The following CPA6 variants were observed in gnomAD, a reference collection of about 807,000 sequenced individuals.
CPA6 encodes carboxypeptidase A6, also known as carboxypeptidase B.
CPA6 carries 58 observed loss-of-function variants against 63.3 expected under a neutral mutation model. That is an observed-to-expected ratio of 0.92 (90% CI 0.74 to 1.14). The LOEUF (loss-of-function observed/expected upper bound fraction) is 1.14. Ranked by LOEUF, CPA6 falls within the 50% of genes most tolerant of loss-of-function variation. CPA6 has a pLI of 0.00. For missense variants in CPA6, 565 were observed against 526.6 expected (o/e 1.07, Z -0.71); for synonymous variants, 185 against 179.0 (o/e 1.03, Z -0.27).
intron 10 of CPA6, among the ~76,000 whole-genome samples, chr8:67,427,168 T>A (rs149341325): frequency 6.6e-6 from 1 of 152,328 alleles, no homozygotes; most frequent in Non-Finnish European, 1.5e-5. Context: ...TAGCCCTTTA[T>A]CACCACAGAC....
chr8:67,597,988 A>C (rs1814390318), intron 2 of CPA6, among the ~76,000 whole-genome samples: 2 of 152,318 alleles, frequency 1.3e-5, no homozygotes, highest in Non-Finnish European at 2.9e-5. Context: ...ATCTGAAATC[A>C]CCTTAAACTA....
intron 1 of CPA6, among the ~76,000 whole-genome samples, chr8:67,653,795 G>T (rs186693203): frequency 0.011 from 1,642 of 152,240 alleles, 13 homozygotes; most frequent in South Asian, 0.041. Context: ...TAGGAGTGGT[G>T]AGAGAGGGCA....
chr8:67,471,765 G>A (rs984908513), intron 8 of CPA6, among the ~76,000 whole-genome samples: 2 of 152,136 alleles, frequency 1.3e-5, no homozygotes, highest in Non-Finnish European at 2.9e-5. Context: ...TTTAATAACA[G>A]AAAAGTTACT....
chr8:67,702,855 G>A (rs1817054830), intron 1 of CPA6, among the ~76,000 whole-genome samples: 1 of 152,122 alleles, frequency 6.6e-6, no homozygotes, highest in Non-Finnish European at 1.5e-5. Flanking sequence ...CCCAAGTCAA[G>A]GGCTGAACAG....
At chr8:67,427,567 TA>T (rs941308948) in intron 10 of CPA6, among the ~76,000 whole-genome samples, 5 of 152,096 alleles carry the variant, frequency 3.3e-5, no homozygotes, top group African/African-American at 9.6e-5. Context: ...TTTCTCCATG[TA>T]AAAAAAAGAA....
intron 6 of CPA6, among the ~76,000 whole-genome samples, chr8:67,496,521 A>ATATATATATATGTATATATATATATATG (rs1265423745): frequency 4.9e-4 from 7 of 14,390 alleles, no homozygotes; most frequent in African/African-American, 9.2e-4. Context: ...TATATAGTTT[A>ATATATATATATGTATATATATATATATG]TATATATATA....
At chr8:67,682,833 C>T (rs1296365713) in intron 1 of CPA6, among the ~76,000 whole-genome samples, 2 of 152,186 alleles carry the variant, frequency 1.3e-5, no homozygotes, top group Admixed American at 1.3e-4. Context: ...AGAACATAAA[C>T]TACTCCTTCC....
intron 1 of CPA6, among the ~76,000 whole-genome samples, chr8:67,665,169 G>A (rs1816199835): frequency 6.6e-6 from 1 of 152,112 alleles, no homozygotes; most frequent in East Asian, 1.9e-4. Context: ...TTTCTTCACG[G>A]GAAAAACAAA....
At chr8:67,640,334 C>T (rs967012109) in intron 1 of CPA6, among the ~76,000 whole-genome samples, 1 of 151,438 alleles carries the variant, frequency 6.6e-6, no homozygotes, top group Non-Finnish European at 1.5e-5. Flanking sequence ...TTCAGTACCC[C>T]TTTGGCCTCC....
At chr8:67,555,553 G>T (rs1587555508) in intron 2 of CPA6, among the ~76,000 whole-genome samples, 1 of 152,148 alleles carries the variant, frequency 6.6e-6, no homozygotes, top group African/African-American at 2.4e-5. Context: ...GGTAATTGTA[G>T]GTAAAGCACT....
rs182105053 is a variant in CPA6 at position 67,565,382 on chromosome 8, G to C, written c.193-47335C>G. ...GCATGCGATTAAAAAACCCCATACAGATCTGGCAGAGCATGGTTATTTCTG... is the reference window on the plus strand; with the variant it reads ...GCATGCGATTAAAAAACCCCATACACATCTGGCAGAGCATGGTTATTTCTG... On this transcript the variant is annotated intron_variant, in intron 2 of 10. Coordinates refer to ENST00000297770, the MANE Select transcript of CPA6 (RefSeq NM_020361.5). Among the ~76,000 whole-genome samples, 105 of 152,274 alleles carry C rather than the reference G, an allele frequency of 6.9e-4. 1 individual carries two copies. Among genetic ancestry groups the C allele is most frequent in the African/African-American group, 2.5e-3 (103 of 41,552 alleles).
At chr8:67,432,932 T>C (rs1038597425) in intron 9 of CPA6, among the ~76,000 whole-genome samples, 1 of 152,160 alleles carries the variant, frequency 6.6e-6, no homozygotes, top group Non-Finnish European at 1.5e-5. Flanking sequence ...TTGCTACTGG[T>C]GTCTGAAGTG....
At chr8:67,625,157 G>A (rs1331919852) in intron 1 of CPA6, among the ~76,000 whole-genome samples, 1 of 152,066 alleles carries the variant, frequency 6.6e-6, no homozygotes, top group Non-Finnish European at 1.5e-5. Context: ...GATCTGGTGA[G>A]TTTCTTTCAG....
At chr8:67,612,590 T>G (rs1814839378) in intron 2 of CPA6, among the ~76,000 whole-genome samples, 1 of 152,236 alleles carries the variant, frequency 6.6e-6, no homozygotes, top group Non-Finnish European at 1.5e-5. Context: ...GATGATCAGA[T>G]AGCCTCAAAG....
chr8:67,563,120 G>GA lies in CPA6; in HGVS notation c.193-45074dup, dbSNP rs10710818. ...ACTGAGTCAAAAATTAGAATGAAGA[G>GA]AAAAAAAAAAACACAACCAGGGCCA... is the stretch of plus-strand genomic sequence containing the variant. On this transcript the variant is annotated intron_variant, in intron 2 of 10. Transcript: ENST00000297770. 4.8e-3 allele frequency among the ~76,000 whole-genome samples: 706 copies of GA among 146,538 alleles called. 6 individuals carry two copies. The highest frequency in any genetic ancestry group is 0.016 in the African/African-American group (632 of 39,152).
intron 2 of CPA6, among the ~76,000 whole-genome samples, chr8:67,519,787 G>T (rs1437141747): frequency 6.6e-6 from 1 of 152,180 alleles, no homozygotes; most frequent in East Asian, 1.9e-4. Context: ...TCCCCAATAG[G>T]TGTGTCTAAA....
chr8:67,596,531 CTTTT>C (rs547099824), intron 2 of CPA6, among the ~76,000 whole-genome samples: 1 of 142,016 alleles, frequency 7.0e-6, no homozygotes, highest in Non-Finnish European at 1.5e-5. Context: ...GAATTTATTT[CTTTT>C]TTTTTTTTTT....
intron 8 of CPA6, among the ~76,000 whole-genome samples, chr8:67,475,813 CTTTCCTTTCT>C (rs1563967511): frequency 0.012 from 516 of 42,962 alleles, 13 homozygotes; most frequent in South Asian, 0.018. Flanking sequence ...TTCTTTCTTT[CTTTCCTTTCT>C]TTTCTTTCTT....
intron 1 of CPA6, among the ~76,000 whole-genome samples, chr8:67,701,373 T>G (rs1587712752): frequency 6.6e-6 from 1 of 152,192 alleles, no homozygotes; most frequent in Admixed American, 6.5e-5. Context: ...AAAAAGTGAC[T>G]GGTTCCACTC....
Sources: allele counts gnomAD v4.1 joint callset (sites outside exome capture counted in the v4.1 genomes callset), GRCh38; gene constraint gnomAD v4.1.1; transcripts MANE v1.5; gene names NCBI Gene and HGNC (gene_info 2026-07-23, HGNC 2026-07-21).